PXDNL: variants seen among roughly 807,000 people sequenced by gnomAD.
PXDNL encodes the protein probable oxidoreductase PXDNL.
In PXDNL, 145 loss-of-function variants were observed where a neutral mutation model predicts 150.8. The observed-to-expected ratio is 0.96, with a 90% CI of 0.84 to 1.10. The LOEUF (loss-of-function observed/expected upper bound fraction) is 1.10. Ranked by LOEUF, PXDNL falls within the 50% of genes least tolerant of loss-of-function variation. PXDNL has a pLI of 0.00. For missense variants in PXDNL, 2,087 were observed against 1,873.9 expected (o/e 1.11, Z -2.10); for synonymous variants, 757 against 725.7 (o/e 1.04, Z -0.69).
chr8:51,464,653 T>G (rs1835689), intron 8 of PXDNL, among the ~76,000 whole-genome samples: 1 of 151,770 alleles, frequency 6.6e-6, no homozygotes, highest in Non-Finnish European at 1.5e-5. Flanking sequence ...AAACCCTGAA[T>G]AGATAAATAA....
At chr8:51,577,922 GA>G (rs200007475) in intron 3 of PXDNL, among the ~76,000 whole-genome samples, 1,683 of 79,444 alleles carry the variant, frequency 0.021, 40 homozygotes, top group African/African-American at 0.057. Context: ...AGAAAAGAAA[GA>G]AAAGAAAGAA....
intron 1 of PXDNL, among the ~76,000 whole-genome samples, chr8:51,802,693 G>T (rs375431965): frequency 6.6e-6 from 1 of 152,088 alleles, no homozygotes; most frequent in African/African-American, 2.4e-5. Context: ...ATTTGAAAAG[G>T]GTCTGTGATT....
intron 4 of PXDNL, among the ~76,000 whole-genome samples, chr8:51,518,581 T>C (rs1266079897): frequency 6.6e-6 from 1 of 152,052 alleles, no homozygotes; most frequent in Non-Finnish European, 1.5e-5. Context: ...GGCAGGAACA[T>C]GAGAATGAGG....
intron 2 of PXDNL, among the ~76,000 whole-genome samples, chr8:51,610,196 A>T (rs1813970144): frequency 6.6e-6 from 1 of 152,190 alleles, no homozygotes; most frequent in Admixed American, 6.5e-5. Context: ...TTGTGAGAAG[A>T]GACACCCATT....
At chr8:51,562,430 G>A (rs996680048) in intron 3 of PXDNL, among the ~76,000 whole-genome samples, 2 of 151,766 alleles carry the variant, frequency 1.3e-5, no homozygotes, top group African/African-American at 2.4e-5. Flanking sequence ...TAACTTATAC[G>A]AATGAAATCA....
At position 51,527,650 on chromosome 8, in the gene PXDNL, G is replaced by A. The variant is rs1811797855; in HGVS notation, c.381-27880C>T. Among the ~76,000 whole-genome samples, 2 of 152,180 alleles carry A rather than the reference G, an allele frequency of 1.3e-5. 1 individual carries two copies. The highest frequency in any genetic ancestry group is 4.1e-4 in the South Asian group (2 of 4,830). ...AAATACTTAAAGTGAGCTGCAGGCA[G>A]TAATGGTAGTGATTGCCAACACAGG... On this transcript the variant is annotated intron_variant, in intron 4 of 22. Coordinates refer to ENST00000356297, the MANE Select transcript of PXDNL (RefSeq NM_144651.5).
At chr8:51,452,924 G>GCACACACAAACACATACACACACACA (rs1554541844) in intron 10 of PXDNL, among the ~76,000 whole-genome samples, 4 of 61,284 alleles carry the variant, frequency 6.5e-5, no homozygotes, top group African/African-American at 1.8e-4. Flanking sequence ...ACACACAAAC[G>GCACACACAAACACATACACACACACA]CACACACACA....
intron 4 of PXDNL, among the ~76,000 whole-genome samples, chr8:51,522,183 T>A (rs974373042): frequency 6.6e-6 from 1 of 152,220 alleles, no homozygotes; most frequent in Admixed American, 6.5e-5. Flanking sequence ...GAACCTGGAC[T>A]ATATGGAATG....
chr8:51,587,515 T>C (rs903701090), intron 3 of PXDNL, among the ~76,000 whole-genome samples: 10 of 152,198 alleles, frequency 6.6e-5, no homozygotes, highest in Non-Finnish European at 1.5e-5. Flanking sequence ...GCTTGTGTCT[T>C]AGAGGAAAAG....
intron 17 of PXDNL, among the ~76,000 whole-genome samples, chr8:51,396,330 A>G (rs1808080787): frequency 6.6e-6 from 1 of 152,246 alleles, no homozygotes; most frequent in South Asian, 2.1e-4. Flanking sequence ...GTAGTGCAGC[A>G]CAGGGACGTG....
At chr8:51,413,506 A>G (rs907750529) in intron 14 of PXDNL, among the ~76,000 whole-genome samples, 1 of 152,182 alleles carries the variant, frequency 6.6e-6, no homozygotes, top group Non-Finnish European at 1.5e-5. Context: ...AATCTAGTAA[A>G]GCTATGTAAA....
intron 8 of PXDNL, among the ~76,000 whole-genome samples, chr8:51,462,540 C>G (rs1810106180): frequency 6.6e-6 from 1 of 152,012 alleles, no homozygotes; most frequent in Non-Finnish European, 1.5e-5. Flanking sequence ...CAAGCTGAGG[C>G]AAGAATCTCA....
intron 1 of PXDNL, among the ~76,000 whole-genome samples, chr8:51,802,959 T>C (rs1462795245): frequency 6.6e-6 from 1 of 152,256 alleles, no homozygotes; most frequent in East Asian, 1.9e-4. Flanking sequence ...TTTATAAACA[T>C]TATTTGTGAA....
At chr8:51,644,444 A>G (rs1415592134) in intron 2 of PXDNL, among the ~76,000 whole-genome samples, 2 of 146,448 alleles carry the variant, frequency 1.4e-5, no homozygotes, top group Non-Finnish European at 3.0e-5. Flanking sequence ...GTGTGTATAT[A>G]TATATGGGTT....
chr8:51,562,633 C>T (rs1045102682), intron 3 of PXDNL, among the ~76,000 whole-genome samples: 1 of 151,892 alleles, frequency 6.6e-6, no homozygotes, highest in Non-Finnish European at 1.5e-5. Context: ...AGCCTAAACC[C>T]TCCCCATCAA....
At chr8:51,337,089 G>A (rs1289283964) in intron 21 of PXDNL, among the ~76,000 whole-genome samples, 1 of 152,068 alleles carries the variant, frequency 6.6e-6, no homozygotes, top group African/African-American at 2.4e-5. Context: ...CAATTAAACA[G>A]GCAAAAACAC....
intron 17 of PXDNL, among the ~76,000 whole-genome samples, chr8:51,378,399 G>A (rs551527185): frequency 6.6e-6 from 1 of 152,170 alleles, no homozygotes; most frequent in Non-Finnish European, 1.5e-5. Flanking sequence ...TGAGGACTTG[G>A]AGAACTTTTG....
At chr8:51,695,930 G>T (rs1248146958) in intron 1 of PXDNL, among the ~76,000 whole-genome samples, 1 of 152,094 alleles carries the variant, frequency 6.6e-6, no homozygotes. Context: ...CAGTTTCCTC[G>T]GGGAACAGAA....
chr8:51,367,899 G>C (rs752518132), intron 19 of PXDNL, among the ~76,000 whole-genome samples: 1 of 152,126 alleles, frequency 6.6e-6, no homozygotes, highest in Non-Finnish European at 1.5e-5. Context: ...AGGCCGAGAC[G>C]GGTGGATCAC....
Sources: allele counts gnomAD v4.1 joint callset (sites outside exome capture counted in the v4.1 genomes callset), GRCh38; gene constraint gnomAD v4.1.1; transcripts MANE v1.5; gene names NCBI Gene and HGNC (gene_info 2026-07-23, HGNC 2026-07-21).